TEX29: variants seen among roughly 807,000 people sequenced by gnomAD.
TEX29 encodes the protein testis expressed 29.
TEX29 carries 26 observed loss-of-function variants against 18.2 expected under a neutral mutation model. The ratio of observed to expected loss-of-function variants is 1.43; its 90% CI spans 1.04 to 1.98. The LOEUF is 1.98. Among genes scored for constraint, TEX29 ranks in the 30% most tolerant of loss-of-function variants. The pLI is 0.00. For synonymous variants in TEX29, 83 were observed against 78.5 expected (o/e 1.06, Z -0.31); for missense variants, 177 against 194.2 (o/e 0.91, Z 0.53).
chr13:111,330,582 C>T (rs1170383537), intron 3 of TEX29, among the ~76,000 whole-genome samples: 1 of 152,186 alleles, frequency 6.6e-6, no homozygotes, highest in African/African-American at 2.4e-5. Context: ...ATTATTTTTA[C>T]CAAGATACTA....
intron 2 of TEX29, 122 bp downstream of exon 2, chr13:111,321,070 G>A: frequency 9.3e-7 from 1 of 1,069,574 alleles, no homozygotes. Context: ...CTGGCTAGGA[G>A]GGCAAGGCAG....
At chr13:111,324,881 A>T (rs993548629) in intron 2 of TEX29, among the ~76,000 whole-genome samples, 1 of 152,046 alleles carries the variant, frequency 6.6e-6, no homozygotes. Context: ...AAAATAACGG[A>T]ACGTTTACCA....
chr13:111,335,223 A>G lies in TEX29; in HGVS notation c.170-4640A>G, dbSNP rs1420361231. Among the ~76,000 whole-genome samples the G allele has an allele frequency of 4.6e-5, 7 of 152,192 alleles. 1 individual carries two copies. On this transcript the variant is annotated intron_variant, in intron 3 of 5. Coordinates refer to ENST00000283547, the MANE Select transcript of TEX29 (RefSeq NM_152324.3). The stretch of plus-strand genomic sequence containing the variant: ...TTTACTGAAGCCCTAGTCCGGTTGT[A>G]CATAATCAGTTAGTGAGAGTTACAA...
In TEX29 at chr13:111,344,182, G is replaced by T; in HGVS notation, c.*59G>T. 1 of 1,446,658 alleles carries T rather than the reference G, an allele frequency of 6.9e-7. No individual in the cohort carries two copies. The highest frequency in any genetic ancestry group is 2.3e-5 in the East Asian group (1 of 44,036). 89.6% of individuals were successfully genotyped at this position (1,446,658 alleles called of 1,614,324 possible). A position where few individuals can be genotyped will look rare whatever the true frequency, so the allele number is the denominator to read the frequency against. ...TTATCCAAATGAAATGGTACAGCAG[G>T]TGCACTGTTAACAGTGTGATGGAAT... is the stretch of plus-strand genomic sequence containing the variant. On this transcript the variant is annotated 3_prime_UTR_variant, in exon 6 of 6. Transcript: ENST00000283547.
intron 5 of TEX29, among the ~76,000 whole-genome samples, chr13:111,343,374 G>A (rs2093699846): frequency 6.6e-6 from 1 of 151,674 alleles, no homozygotes; most frequent in Non-Finnish European, 1.5e-5. Context: ...CCAGGCTGCT[G>A]TGGGTATTCT....
chr13:111,327,256 C>T (rs1029829559), intron 2 of TEX29, among the ~76,000 whole-genome samples: 1 of 152,226 alleles, frequency 6.6e-6, no homozygotes, highest in Non-Finnish European at 1.5e-5. Flanking sequence ...GCAGCCGCAG[C>T]ATTTGCAAAC....
At chr13:111,324,102 G>A (rs1014415325) in intron 2 of TEX29, among the ~76,000 whole-genome samples, 3 of 152,226 alleles carry the variant, frequency 2.0e-5, no homozygotes, top group Non-Finnish European at 2.9e-5. Flanking sequence ...CCCGCTGAAG[G>A]TCCTGGGGGT....
intron 3 of TEX29, among the ~76,000 whole-genome samples, chr13:111,335,603 A>G (rs1230386985): frequency 6.6e-6 from 1 of 152,212 alleles, no homozygotes; most frequent in Non-Finnish European, 1.5e-5. Flanking sequence ...TCCATCATAG[A>G]GTTGGACTTC....
At chr13:111,327,541 T>A (rs1020677294) in intron 2 of TEX29, among the ~76,000 whole-genome samples, 1 of 152,056 alleles carries the variant, frequency 6.6e-6, no homozygotes, top group African/African-American at 2.4e-5. Context: ...CCCTTCATCA[T>A]CCAGCCCAGT....
At chr13:111,318,480 G>A (rs2479962), upstream of TEX29, among the ~76,000 whole-genome samples, 15,168 of 152,230 alleles carry the variant, frequency 0.1, 879 homozygotes, top group African/African-American at 0.16. Flanking sequence ...CTTCCACGGC[G>A]TGGCCTCTCC....
chr13:111,318,806 T>A (rs973102533), upstream of TEX29, among the ~76,000 whole-genome samples: 1 of 152,252 alleles, frequency 6.6e-6, no homozygotes, highest in Non-Finnish European at 1.5e-5. Context: ...TGGCAGGTCC[T>A]CAGAGGGTGA....
upstream of TEX29, among the ~76,000 whole-genome samples, chr13:111,317,272 G>A (rs537975869): frequency 1.3e-5 from 2 of 152,284 alleles, no homozygotes; most frequent in South Asian, 2.1e-4. Context: ...CTCTGAGGCC[G>A]TAGGGGTGAG....
chr13:111,322,717 A>G (rs545655571), intron 2 of TEX29, among the ~76,000 whole-genome samples: 1 of 152,342 alleles, frequency 6.6e-6, no homozygotes, highest in Non-Finnish European at 1.5e-5. Flanking sequence ...GTCCTCGTGA[A>G]CTGAAGAACG....
chr13:111,318,121 G>A (rs1183704655), upstream of TEX29, among the ~76,000 whole-genome samples: 5 of 152,138 alleles, frequency 3.3e-5, no homozygotes, highest in Admixed American at 6.5e-5. Context: ...GGAGCCCCCC[G>A]AATCCCCTGC....
At chr13:111,343,401 G>A (rs9522189) in intron 5 of TEX29, among the ~76,000 whole-genome samples, 56,045 of 150,848 alleles carry the variant, frequency 0.37, 11,162 homozygotes, top group Middle Eastern at 0.49. Flanking sequence ...TGCCCTGGCC[G>A]CCTGGTGGTC....
chr13:111,335,971 G>A (rs950722876), intron 3 of TEX29, among the ~76,000 whole-genome samples: 1 of 152,198 alleles, frequency 6.6e-6, no homozygotes, highest in East Asian at 1.9e-4. Context: ...TGTCGAACAT[G>A]GCTTAAGTTA....
chr13:111,333,918 C>G (rs916300584), intron 3 of TEX29, among the ~76,000 whole-genome samples: 1 of 152,148 alleles, frequency 6.6e-6, no homozygotes, highest in African/African-American at 2.4e-5. Flanking sequence ...AATTACAATT[C>G]GAGATGAGAT....
At chr13:111,319,670 C>T (rs538768713), upstream of TEX29, among the ~76,000 whole-genome samples, 81 of 152,190 alleles carry the variant, frequency 5.3e-4, no homozygotes, top group Non-Finnish European at 9.0e-4. Flanking sequence ...CTCTGTTGCC[C>T]TGGCTGGGGT....
intron 2 of TEX29, among the ~76,000 whole-genome samples, chr13:111,322,297 A>G (rs2093666049): frequency 6.6e-6 from 1 of 152,170 alleles, no homozygotes; most frequent in Non-Finnish European, 1.5e-5. Context: ...TGGGGCCCCG[A>G]GGGAACGGGC....
Sources: gnomAD v4.1 joint callset for allele counts (sites outside exome capture counted in the v4.1 genomes callset) on GRCh38, gnomAD v4.1.1 for gene constraint, MANE v1.5 for transcripts, NCBI Gene and HGNC (gene_info 2026-07-23, HGNC 2026-07-21) for gene names.